The following DYNC1H1 variants were observed in gnomAD, a reference collection of about 807,000 sequenced individuals.
The protein encoded by DYNC1H1 is dynein cytoplasmic 1 heavy chain 1.
Under a neutral mutation model 527.1 loss-of-function variants are expected in DYNC1H1, and 51 were observed. The observed-to-expected ratio is 0.10, with a 90% CI of 0.08 to 0.12. DYNC1H1 has a LOEUF of 0.12. Among genes scored for constraint, DYNC1H1 ranks in the 10% least tolerant of loss-of-function variants. The probability of loss-of-function intolerance (pLI) is 1.00; values close to 1 mark genes in which losing one functional copy is unlikely to be tolerated. For missense variants in DYNC1H1, 2,771 were observed against 5,971.8 expected (o/e 0.46, Z 17.66); for synonymous variants, 2,189 against 2,278.8 (o/e 0.96, Z 1.12).
chr14:101,979,558 A>G lies in DYNC1H1; in HGVS notation c.518+66A>G. ...CACAAGATAGTATAGAACTCGGTGT[A>G]AAACTTGGGAATTGGGAGGGTAACG... On this transcript the variant is annotated intron_variant, in intron 3 of 77. Transcript: ENST00000360184. This position sits in a 1 kb window ranked among gnomAD's most constrained non-coding sequence, Gnocchi z 4.6. The G allele has an allele frequency of 5.6e-6, 9 of 1,610,896 alleles. No individual in the cohort carries two copies. The highest frequency in any genetic ancestry group is 1.3e-5 in the African/African-American group (1 of 74,716).
chr14:102,011,328 A>G lies in DYNC1H1; in HGVS notation c.6618+376A>G, dbSNP rs934845614. 1.1e-5 allele frequency: 4 copies of G among 362,436 alleles called. No homozygotes were observed. Among genetic ancestry groups the G allele is most frequent in the South Asian group, 2.2e-5 (1 of 44,956 alleles). 22.5% of individuals were successfully genotyped at this position (362,436 alleles called of 1,614,324 possible). On this transcript the variant is annotated intron_variant, in intron 32 of 77. Transcript: ENST00000360184. This position sits in a 1 kb window ranked among gnomAD's most constrained non-coding sequence, Gnocchi z 5.3. ...CTGTATTGGCTTCTTTCCTTCCTCT[A>G]TGTGATTCATTTAAGAAAAAGTTTA... is the stretch of plus-strand genomic sequence containing the variant.
chr14:101,975,079 C>G (rs1035687262), intron 1 of DYNC1H1, among the ~76,000 whole-genome samples: 1 of 152,198 alleles, frequency 6.6e-6, no homozygotes, highest in Admixed American at 6.5e-5. Context: ...TTGATGAAAA[C>G]TGGCCATGCT....
chr14:102,045,994 G>A (rs1408238741), intron 72 of DYNC1H1, among the ~76,000 whole-genome samples: 3 of 151,862 alleles, frequency 2.0e-5, no homozygotes, highest in East Asian at 1.9e-4. Flanking sequence ...GTGAAACCCC[G>A]TCTCTACTAA....
intron 1 of DYNC1H1, among the ~76,000 whole-genome samples, chr14:101,974,860 GT>G (rs1434685136): frequency 6.6e-6 from 1 of 152,208 alleles, no homozygotes; most frequent in Non-Finnish European, 1.5e-5. Context: ...TGACTACTGT[GT>G]GCATGTTGTA....
rs756981107 is a variant in DYNC1H1, at chr14:102,039,769, G to A, written c.11690+37G>A. On this transcript the variant is annotated intron_variant, in intron 62 of 77. Coordinates refer to ENST00000360184, the MANE Select transcript of DYNC1H1 (RefSeq NM_001376.5). The surrounding 1 kb of genome is among the most constrained non-coding windows in gnomAD (Gnocchi z 7.0). ...CACGCCCACAGGAGGATGCCATATT[G>A]CTGGTGGCCCCCAAGGGTTTCATGA... 1 of 1,607,152 alleles carries A rather than the reference G, an allele frequency of 6.2e-7. No homozygotes were observed. The highest frequency in any genetic ancestry group is 1.1e-5 in the South Asian group (1 of 90,922).
rs750918377 is a variant in DYNC1H1, at chr14:101,980,337, C to T, written c.775-27C>T. The T allele has an allele frequency of 4.0e-5, 65 of 1,612,454 alleles. No individual in the cohort carries two copies. The Admixed American group carries it at 1.1e-3, about 27-fold the overall frequency. ...TTCTACCTTGTTTAAATAGTGAATA[C>T]CCTTGGGTGTTATTTTATTTTCAAA... On this transcript the variant is annotated intron_variant, in intron 4 of 77. Transcript: ENST00000360184.
rs1263805597 is a variant in DYNC1H1, at chr14:102,041,750, A to G, written c.12102+16A>G. 6.2e-7 allele frequency: 1 copy of G among 1,613,866 alleles called. No homozygotes were observed. On this transcript the variant is annotated intron_variant, in intron 65 of 77. Coordinates refer to ENST00000360184, the MANE Select transcript of DYNC1H1 (RefSeq NM_001376.5). This position sits in a 1 kb window ranked among gnomAD's most constrained non-coding sequence, Gnocchi z 4.5. ...GGGCACAGAGGTAATGTCCTGGTAC[A>G]GCCCGGGCTTCCCACGAGACTCCAT...
chr14:102,032,657 A>C, intron 52 of DYNC1H1, 190 bp downstream of exon 52: 1 of 724,598 alleles, frequency 1.4e-6, no homozygotes, highest in South Asian at 1.7e-5. Context: ...TTAGAGACCA[A>C]CCTGGGCTAC....
At chr14:101,995,575 C>T (rs1191426072) in intron 15 of DYNC1H1, among the ~76,000 whole-genome samples, 3 of 147,874 alleles carry the variant, frequency 2.0e-5, no homozygotes, top group African/African-American at 5.0e-5. Context: ...TGTGCCACTG[C>T]ATTCCAGCCT....
Position 102,046,490 on chromosome 14 carries a change from C to A in DYNC1H1, c.13007-1327C>A, listed in dbSNP as rs537513022. Among the ~76,000 whole-genome samples the A allele has an allele frequency of 3.7e-5, 5 of 134,452 alleles. No individual in the cohort carries two copies. In the South Asian group the frequency reaches 1.2e-3, roughly 31 times the overall value. 88.2% of individuals were successfully genotyped at this position (134,452 alleles called of 152,430 possible). A position where few individuals can be genotyped will look rare whatever the true frequency, so the allele number is the denominator to read the frequency against. On this transcript the variant is annotated intron_variant, in intron 72 of 77. Coordinates refer to ENST00000360184, the MANE Select transcript of DYNC1H1 (RefSeq NM_001376.5). The stretch of plus-strand genomic sequence containing the variant: ...AGCTGGGCGGGTCTGGAGGGAAAGC[C>A]AGGCGAGCTGGGCGGGTCTGGAGGG...
In DYNC1H1 at chr14:102,010,634, C is replaced by T. The variant is rs546617262; in HGVS notation, c.6406-106C>T. ...TGCACGAATGTGGGCGAGTGGTGCT[C>T]GCACCCTTTGTTCACCAACAGTTAC... is the stretch of plus-strand genomic sequence containing the variant. On this transcript the variant is annotated intron_variant, in intron 31 of 77. Coordinates refer to ENST00000360184, the MANE Select transcript of DYNC1H1 (RefSeq NM_001376.5). The surrounding 1 kb of genome is among the most constrained non-coding windows in gnomAD (Gnocchi z 6.0). The T allele has an allele frequency of 4.1e-5, 63 of 1,529,104 alleles. No individual in the cohort carries two copies. The highest frequency in any genetic ancestry group is 5.5e-5 in the African/African-American group (4 of 72,978). The allele number at this position is 1,529,104 out of a possible 1,614,324, so 94.7% of individuals were successfully genotyped here.
intron 12 of DYNC1H1, 62 bp from the exon 13 acceptor site, chr14:101,994,611 G>A: frequency 6.3e-7 from 1 of 1,590,096 alleles, no homozygotes; most frequent in Non-Finnish European, 8.6e-7. Flanking sequence ...GAACATAAGA[G>A]GTGCCAGTAT....
intron 42 of DYNC1H1, among the ~76,000 whole-genome samples, chr14:102,021,222 A>T (rs547747657): frequency 5.3e-5 from 8 of 152,202 alleles, no homozygotes; most frequent in South Asian, 2.1e-4. Flanking sequence ...TACAAAAAAT[A>T]AAAAATTAGC....
intron 5 of DYNC1H1, 50 bp downstream of exon 5, chr14:101,980,600 T>C (rs1205518094): frequency 1.9e-6 from 3 of 1,588,104 alleles, no homozygotes; most frequent in Non-Finnish European, 2.6e-6. Context: ...ATCTGGCTTT[T>C]ACGAGATCTT....
In DYNC1H1 at chr14:101,965,160, G is replaced by T. The variant is rs1207954531; in HGVS notation, c.256+213G>T. ...CGCAGAGGCCGGCGCGGCGCCCGGG[G>T]CTCGCCCTCGCCACACCCACTGCCC... is the stretch of plus-strand genomic sequence containing the variant. On this transcript the variant is annotated intron_variant, in intron 1 of 77. Coordinates refer to ENST00000360184, the MANE Select transcript of DYNC1H1 (RefSeq NM_001376.5). The surrounding 1 kb of genome is among the most constrained non-coding windows in gnomAD (Gnocchi z 4.1). Among the ~76,000 whole-genome samples, 1 of 151,872 alleles carries T rather than the reference G, an allele frequency of 6.6e-6. No homozygotes were observed. The highest frequency in any genetic ancestry group is 6.6e-5 in the Admixed American group (1 of 15,242).
intron 9 of DYNC1H1, 113 bp from the exon 10 acceptor site, chr14:101,988,590 C>G: frequency 7.3e-7 from 1 of 1,376,338 alleles, no homozygotes; most frequent in Non-Finnish European, 1.0e-6. Flanking sequence ...ATGAAGGCTT[C>G]TAGTCCGGAA....
chr14:102,008,160 T>A lies in DYNC1H1; in HGVS notation c.5818-18T>A, dbSNP rs1263576563. ...GCACAGCAGGTGGTTTTAGCGCCTT[T>A]CTTCCTCTCCTTTCCAGGCAATGGG... On this transcript the variant is annotated intron_variant, in intron 28 of 77. Coordinates refer to ENST00000360184, the MANE Select transcript of DYNC1H1 (RefSeq NM_001376.5). The A allele has an allele frequency of 1.2e-6, 2 of 1,613,648 alleles. No homozygotes were observed. The highest frequency in any genetic ancestry group is 1.7e-6 in the Non-Finnish European group (2 of 1,179,976).
rs752716664 is a variant in DYNC1H1, at chr14:102,017,554, A to T, written c.8177+50A>T. ...TGCTTCACACACGCACAGCTCCAGG[A>T]TTGCTGTAAACACAGCGCCACAAAA... On this transcript the variant is annotated intron_variant, in intron 40 of 77. Transcript: ENST00000360184. The surrounding 1 kb of genome is among the most constrained non-coding windows in gnomAD (Gnocchi z 4.6). 3 of 1,590,066 alleles carry T rather than the reference A, an allele frequency of 1.9e-6. No individual in the cohort carries two copies. Among genetic ancestry groups the T allele is most frequent in the Non-Finnish European group, 2.6e-6 (3 of 1,161,388 alleles).
In DYNC1H1 at chr14:102,017,704, C is replaced by T. The variant is rs17541186; in HGVS notation, c.8177+200C>T. 1.6e-3 allele frequency: 1,627 copies of T among 1,004,930 alleles called. 16 individuals are homozygous for T. The African/African-American group carries it at 0.021, about 13-fold the overall frequency. The allele number at this position is 1,004,930 out of a possible 1,614,324, so 62.3% of individuals were successfully genotyped here. ...AGCATTGGCCGGGCGCAGTGGCTTACGCCTATAATCCCAGCACTTTGGGAG... is the reference window on the plus strand; with the variant it reads ...AGCATTGGCCGGGCGCAGTGGCTTATGCCTATAATCCCAGCACTTTGGGAG... On this transcript the variant is annotated intron_variant, in intron 40 of 77. Coordinates refer to ENST00000360184, the MANE Select transcript of DYNC1H1 (RefSeq NM_001376.5). This position sits in a 1 kb window ranked among gnomAD's most constrained non-coding sequence, Gnocchi z 4.6.
Sources: gnomAD v4.1 joint callset for allele counts (sites outside exome capture counted in the v4.1 genomes callset) on GRCh38, gnomAD v4.1.1 for gene constraint, Gnocchi (gnomAD v3.1) non-coding constraint, MANE v1.5 for transcripts, NCBI Gene and HGNC (gene_info 2026-07-23, HGNC 2026-07-21) for gene names.